Variants in PCDHA3 observed in about 807,000 individuals in gnomAD.
The protein encoded by PCDHA3 is protocadherin alpha 3.
PCDHA3 carries 41 observed loss-of-function variants against 62.2 expected under a neutral mutation model. That is an observed-to-expected ratio of 0.66 (90% confidence interval 0.51 to 0.86). The LOEUF is 0.86. Ranked by LOEUF, PCDHA3 falls within the 40% of genes least tolerant of loss-of-function variation. The probability of loss-of-function intolerance (pLI) is 0.00; values close to 1 mark genes in which losing one functional copy is unlikely to be tolerated. For synonymous variants in PCDHA3, 640 were observed against 555.4 expected (o/e 1.15, Z -2.14); for missense variants, 1,304 against 1,241.2 (o/e 1.05, Z -0.76).
rs1467294389 is a variant in PCDHA3 at position 140,851,714 on chromosome 5, C to T, written c.2394+48123C>T. ...TAAAATGATCAGCCATGTGAAGATT[C>T]GAAACTTCGAGTTCTTTTGAAATTC... On this transcript the variant is annotated intron_variant, in intron 1 of 3. Coordinates refer to ENST00000522353, the MANE Select transcript of PCDHA3 (RefSeq NM_018906.3). The T allele has an allele frequency of 2.3e-5, 22 of 961,800 alleles. 2 individuals are homozygous for T. The highest frequency in any genetic ancestry group is 9.6e-5 in the South Asian group (2 of 20,808). The allele number at this position is 961,800 out of a possible 1,614,324, so 59.6% of individuals were successfully genotyped here.
chr5:140,940,551 T>C (rs2092639776), intron 1 of PCDHA3, among the ~76,000 whole-genome samples: 1 of 152,214 alleles, frequency 6.6e-6, no homozygotes, highest in African/African-American at 2.4e-5. Context: ...TGGGCTCAAG[T>C]GATTCTCCTA....
intron 1 of PCDHA3, among the ~76,000 whole-genome samples, chr5:140,888,287 C>G (rs1371852276): frequency 6.6e-6 from 1 of 152,072 alleles, no homozygotes; most frequent in African/African-American, 2.4e-5. Flanking sequence ...CCCCTCTACC[C>G]CCTACCCAGG....
Position 140,802,810 on chromosome 5 carries a change from G to A in PCDHA3, c.1613G>A (p.Arg538His). 2 of 1,613,500 alleles carry A rather than the reference G, an allele frequency of 1.2e-6. No individual in the cohort carries two copies. The highest frequency in any genetic ancestry group is 1.1e-5 in the South Asian group (1 of 91,062). Residue 538 changes from arginine to histidine, a missense_variant, in exon 1 of 4, where the codon CGC (arginine) becomes CAC (histidine). Physicochemically the swap from Arg to His is conservative, Grantham distance 29. Transcript: ENST00000522353. ...LELLQFQVSA[R>H]DAGVPPLGSN... ...CTGCTGCAGTTCCAGGTGAGTGCGC[G>A]CGATGCGGGCGTGCCGCCTCTGGGC...
Position 141,011,328 on chromosome 5 carries a change from A to G in PCDHA3, c.*1391A>G, listed in dbSNP as rs1554263430. 2 of 153,726 alleles carry G rather than the reference A, an allele frequency of 1.3e-5. No homozygotes were observed. Among genetic ancestry groups the G allele is most frequent in the Admixed American group, 1.3e-4 (2 of 15,268 alleles). 9.5% of individuals were successfully genotyped at this position (153,726 alleles called of 1,614,324 possible). On this transcript the variant is annotated 3_prime_UTR_variant, in exon 4 of 4. Transcript: ENST00000522353. Reference sequence around the variant, plus strand: ...ATTGCTAATCTTACTAACACCTATGATGTTACCTGAAATCAATCTCCCATA... The same window carrying G: ...ATTGCTAATCTTACTAACACCTATGGTGTTACCTGAAATCAATCTCCCATA...
intron 1 of PCDHA3, among the ~76,000 whole-genome samples, chr5:140,975,701 T>A (rs2153808072): frequency 6.6e-6 from 1 of 152,358 alleles, no homozygotes; most frequent in East Asian, 1.9e-4. Flanking sequence ...AAACTTATTT[T>A]ACTTTAAATC....
chr5:140,845,835 C>T (rs917105315), intron 1 of PCDHA3, among the ~76,000 whole-genome samples: 3 of 149,588 alleles, frequency 2.0e-5, no homozygotes, highest in Non-Finnish European at 4.5e-5. Flanking sequence ...TATTACCATT[C>T]TTAAGAGAAA....
intron 1 of PCDHA3, chr5:140,836,072 G>A (rs2150252005): frequency 6.2e-7 from 1 of 1,613,664 alleles, no homozygotes; most frequent in Non-Finnish European, 8.5e-7. Context: ...ACAACGCGCC[G>A]GCACTGCTGG....
intron 1 of PCDHA3, among the ~76,000 whole-genome samples, chr5:140,933,268 T>A (rs2088999959): frequency 6.6e-6 from 1 of 151,986 alleles, no homozygotes; most frequent in Non-Finnish European, 1.5e-5. Context: ...TTATTATATA[T>A]TCATTTGGAA....
chr5:140,952,852 G>A (rs887887464), intron 1 of PCDHA3, among the ~76,000 whole-genome samples: 2 of 152,068 alleles, frequency 1.3e-5, no homozygotes, highest in Non-Finnish European at 2.9e-5. Context: ...TTGTCTTCTG[G>A]GGAGGCCTCA....
At chr5:140,824,220 G>A (rs1768050365) in intron 1 of PCDHA3, 7 of 1,561,856 alleles carry the variant, frequency 4.5e-6, no homozygotes, top group Non-Finnish European at 5.3e-6. Context: ...TAAAAATTAT[G>A]TCTTAGTACA....
intron 3 of PCDHA3, among the ~76,000 whole-genome samples, chr5:141,005,360 A>G (rs1215157808): frequency 6.6e-6 from 1 of 152,184 alleles, no homozygotes; most frequent in Non-Finnish European, 1.5e-5. Flanking sequence ...TAGGAATGTC[A>G]TAGAATGCCT....
intron 1 of PCDHA3, among the ~76,000 whole-genome samples, chr5:140,898,010 T>A (rs2066467224): frequency 6.6e-6 from 1 of 152,240 alleles, no homozygotes; most frequent in African/African-American, 2.4e-5. Context: ...TCTGTTCATA[T>A]CCTTTGCCCA....
intron 1 of PCDHA3, among the ~76,000 whole-genome samples, chr5:140,880,149 A>G (rs1347832078): frequency 1.3e-5 from 2 of 152,266 alleles, no homozygotes; most frequent in Non-Finnish European, 2.9e-5. Flanking sequence ...AGTGCAATAT[A>G]TCAAGTATAT....
chr5:140,876,964 C>G, intron 1 of PCDHA3: 2 of 1,613,060 alleles, frequency 1.2e-6, no homozygotes, highest in Non-Finnish European at 1.7e-6. Context: ...GGTGGAGCGG[C>G]GGGTGGGCGA....
chr5:140,869,943 C>T (rs781893563), intron 1 of PCDHA3: 10 of 1,612,248 alleles, frequency 6.2e-6, no homozygotes, highest in Non-Finnish European at 7.6e-6. Context: ...TAACATACTC[C>T]TTAATGTCAA....
chr5:140,966,259 G>A (rs1358322921), intron 1 of PCDHA3: 1 of 340,612 alleles, frequency 2.9e-6, no homozygotes, highest in Non-Finnish European at 5.3e-6. Context: ...AGACGGTGGA[G>A]ACTGGATGAA....
chr5:140,818,428 T>G (rs1180551475), intron 1 of PCDHA3, among the ~76,000 whole-genome samples: 1 of 152,252 alleles, frequency 6.6e-6, no homozygotes, highest in Admixed American at 6.5e-5. Context: ...AATATATTTC[T>G]AACTTGGGTA....
chr5:140,854,159 C>CAAAAA (rs59855104), intron 1 of PCDHA3: 4,589 of 339,800 alleles, frequency 0.014, 33 homozygotes, highest in Middle Eastern at 0.024. Flanking sequence ...GATTCTGTCT[C>CAAAAA]AAAAAAAAAA....
At chr5:140,807,467 G>T in intron 1 of PCDHA3, 2 of 1,612,686 alleles carry the variant, frequency 1.2e-6, no homozygotes, top group Non-Finnish European at 1.7e-6. Flanking sequence ...CGACCGGGAG[G>T]AGCTGTGCCG....
Sources: gnomAD v4.1 joint callset for allele counts (sites outside exome capture counted in the v4.1 genomes callset) on GRCh38, gnomAD v4.1.1 for gene constraint, MANE v1.5 for transcripts, NCBI Gene and HGNC (gene_info 2026-07-23, HGNC 2026-07-21) for gene names.